The following MYO3A variants were observed in gnomAD, a reference collection of about 807,000 sequenced individuals.
MYO3A encodes myosin IIIA.
In MYO3A, 180 loss-of-function variants were observed where a neutral mutation model predicts 192.7. The ratio of observed to expected loss-of-function variants is 0.93; its 90% CI spans 0.83 to 1.06. The LOEUF is 1.06. MYO3A is among the 50% of genes least tolerant of loss of function. MYO3A has a pLI of 0.00. For synonymous variants in MYO3A, 628 were observed against 645.3 expected (o/e 0.97, Z 0.41); for missense variants, 1,896 against 1,905.0 (o/e 1.00, Z 0.09).
Position 26,170,540 on chromosome 10 carries a change from G to T in MYO3A, c.3398+1G>T, listed in dbSNP as rs1250159607. ...ACAAGAAAAACTTTGAAAATACAAG[G>T]TATAATGATGTTCATTCTTATACCG... On this transcript the variant is annotated splice_donor_variant, in intron 29 of 34. Coordinates refer to ENST00000642920, the MANE Select transcript of MYO3A (RefSeq NM_017433.5). LOFTEE classifies it high-confidence loss of function. 6.2e-7 allele frequency: 1 copy of T among 1,608,502 alleles called. No homozygotes were observed. The highest frequency in any genetic ancestry group is 1.1e-5 in the South Asian group (1 of 90,582).
At chr10:25,993,248 G>T (rs940491543) in intron 4 of MYO3A, among the ~76,000 whole-genome samples, 1 of 152,188 alleles carries the variant, frequency 6.6e-6, no homozygotes, top group Non-Finnish European at 1.5e-5. Context: ...GAGGGTGTAT[G>T]TGTCCAGGAA....
chr10:26,128,667 A>T (rs1023209969), intron 20 of MYO3A, 129 bp downstream of exon 20: 45 of 990,344 alleles, frequency 4.5e-5, no homozygotes, highest in Non-Finnish European at 5.8e-5. Flanking sequence ...GATTTTTATT[A>T]TCTCCACGTC....
At chr10:26,070,484 C>G (rs1220816685) in intron 14 of MYO3A, 83 bp downstream of exon 14, 23 of 1,162,072 alleles carry the variant, frequency 2.0e-5, no homozygotes, top group Non-Finnish European at 2.9e-5. Context: ...TTAATATTCT[C>G]TAGTATCTCA....
At chr10:26,159,151 C>T (rs557488187) in intron 26 of MYO3A, among the ~76,000 whole-genome samples, 72 of 151,656 alleles carry the variant, frequency 4.7e-4, no homozygotes, top group African/African-American at 9.7e-4. Context: ...CCACCACGCC[C>T]GGCTAATTTT....
At chr10:26,075,808 T>TATATATATGTCTCTCATATATATG (rs1835533584) in intron 14 of MYO3A, among the ~76,000 whole-genome samples, 1 of 148,682 alleles carries the variant, frequency 6.7e-6, no homozygotes, top group African/African-American at 2.5e-5. Context: ...ATATATATGA[T>TATATATATGTCTCTCATATATATG]ATATATATGT....
chr10:26,189,063 A>G (rs565191339), intron 31 of MYO3A, among the ~76,000 whole-genome samples: 4 of 152,318 alleles, frequency 2.6e-5, no homozygotes, highest in African/African-American at 4.8e-5. Context: ...CATTGAATCT[A>G]TAAACAAACC....
intron 8 of MYO3A, 68 bp from the exon 9 acceptor site, chr10:26,023,954 G>A: frequency 7.2e-7 from 1 of 1,385,634 alleles, no homozygotes; most frequent in South Asian, 1.2e-5. Context: ...TAGTCTATCT[G>A]GCTCTGCCTC....
intron 10 of MYO3A, among the ~76,000 whole-genome samples, chr10:26,039,395 C>T (rs972968781): frequency 6.6e-6 from 1 of 151,802 alleles, no homozygotes; most frequent in African/African-American, 2.4e-5. Flanking sequence ...CGTCAAGATG[C>T]ATTTGTGATA....
chr10:26,099,204 C>G (rs1373583834), intron 17 of MYO3A, among the ~76,000 whole-genome samples: 1 of 152,114 alleles, frequency 6.6e-6, no homozygotes, highest in Non-Finnish European at 1.5e-5. Context: ...TGATTTGGCT[C>G]TCTGTTTGTC....
At chr10:26,017,049 G>A (rs569350240) in intron 7 of MYO3A, 153 bp downstream of exon 7, 7 of 811,420 alleles carry the variant, frequency 8.6e-6, no homozygotes, top group Non-Finnish European at 1.4e-5. Flanking sequence ...TGTGTGAGGA[G>A]GCACCTGGGA....
At chr10:25,978,726 G>A (rs1839115574) in intron 4 of MYO3A, among the ~76,000 whole-genome samples, 1 of 152,170 alleles carries the variant, frequency 6.6e-6, no homozygotes, top group Non-Finnish European at 1.5e-5. Context: ...TACTATCTTA[G>A]TTGAATTGCT....
At chr10:25,960,125 T>G (rs575920064) in intron 4 of MYO3A, among the ~76,000 whole-genome samples, 11 of 152,254 alleles carry the variant, frequency 7.2e-5, no homozygotes, top group African/African-American at 2.6e-4. Flanking sequence ...TTTTGCTCAG[T>G]GTTCTCCTTT....
intron 4 of MYO3A, among the ~76,000 whole-genome samples, chr10:25,980,052 C>T (rs543328410): frequency 8.8e-4 from 134 of 152,076 alleles, no homozygotes; most frequent in Non-Finnish European, 1.7e-3. Flanking sequence ...CTGGATAACA[C>T]GGTGAAACCC....
intron 8 of MYO3A, chr10:26,023,165 T>G (rs1842391625): frequency 6.6e-6 from 1 of 152,250 alleles, no homozygotes; most frequent in Non-Finnish European, 1.5e-5. Flanking sequence ...AGTCCTGATC[T>G]GGGGTAGATG....
chr10:26,007,270 A>G (rs1841290649), intron 6 of MYO3A, among the ~76,000 whole-genome samples: 1 of 150,796 alleles, frequency 6.6e-6, no homozygotes, highest in East Asian at 1.9e-4. Flanking sequence ...CCCACAGCCA[A>G]TATCATACTG....
chr10:25,960,923 A>G (rs765620786), intron 4 of MYO3A, among the ~76,000 whole-genome samples: 5 of 152,206 alleles, frequency 3.3e-5, no homozygotes, highest in African/African-American at 7.2e-5. Flanking sequence ...AAAATCACAT[A>G]TAAAAGCAAA....
chr10:25,953,041 A>G (rs1241534153), intron 3 of MYO3A, among the ~76,000 whole-genome samples: 1 of 152,018 alleles, frequency 6.6e-6, no homozygotes, highest in Non-Finnish European at 1.5e-5. Flanking sequence ...CCCATAGCAC[A>G]TGGGAGAGCC....
At chr10:26,102,349 T>C (rs958264098) in intron 17 of MYO3A, among the ~76,000 whole-genome samples, 4 of 152,194 alleles carry the variant, frequency 2.6e-5, no homozygotes, top group African/African-American at 9.6e-5. Context: ...CATCCTCCTT[T>C]AGCTCGGAGA....
At chr10:26,039,703 A>G (rs542966360) in intron 10 of MYO3A, among the ~76,000 whole-genome samples, 1 of 152,180 alleles carries the variant, frequency 6.6e-6, no homozygotes, top group East Asian at 1.9e-4. Context: ...GATCCTTTGA[A>G]TTTCTGTGGT....
Sources: allele counts gnomAD v4.1 joint callset (sites outside exome capture counted in the v4.1 genomes callset), GRCh38; gene constraint gnomAD v4.1.1; transcripts MANE v1.5; gene names NCBI Gene and HGNC (gene_info 2026-07-23, HGNC 2026-07-21).